The following DLGAP1 variants were observed in gnomAD, a reference collection of about 807,000 sequenced individuals.
The protein encoded by DLGAP1 is disks large-associated protein 1.
A neutral mutation model predicts 90.8 loss-of-function variants in DLGAP1; 11 were observed. That is an observed-to-expected ratio of 0.12 (90% CI 0.08 to 0.20). DLGAP1 has a LOEUF of 0.20. DLGAP1 is among the 10% of genes least tolerant of loss of function. The pLI, the probability that DLGAP1 is intolerant of heterozygous loss-of-function variation, is 1.00. For synonymous variants in DLGAP1, 558 were observed against 540.7 expected (o/e 1.03, Z -0.44); for missense variants, 1,050 against 1,333.8 (o/e 0.79, Z 3.31).
intron 7 of DLGAP1, among the ~76,000 whole-genome samples, chr18:3,637,019 G>A (rs1247960680): frequency 2.0e-5 from 3 of 152,038 alleles, no homozygotes; most frequent in South Asian, 4.1e-4. Context: ...CACTGCGCCC[G>A]GCCACTTTTA....
intron 1 of DLGAP1, among the ~76,000 whole-genome samples, chr18:4,283,004 T>C (rs2079590563): frequency 1.3e-5 from 2 of 148,840 alleles, no homozygotes; most frequent in Non-Finnish European, 1.5e-5. Flanking sequence ...GGAAAACTTG[T>C]TTTGACATTA....
intron 2 of DLGAP1, among the ~76,000 whole-genome samples, chr18:4,113,241 T>C (rs1283934531): frequency 6.6e-6 from 1 of 152,180 alleles, no homozygotes; most frequent in Non-Finnish European, 1.5e-5. Flanking sequence ...GTCTAAGCAT[T>C]CTCTTTTCTT....
At chr18:3,815,900 T>C (rs932234535) in intron 4 of DLGAP1, among the ~76,000 whole-genome samples, 7 of 152,120 alleles carry the variant, frequency 4.6e-5, no homozygotes, top group Admixed American at 2.0e-4. Flanking sequence ...AACATATTTA[T>C]AACAGAGACG....
intron 1 of DLGAP1, among the ~76,000 whole-genome samples, chr18:4,388,189 A>G (rs183209713): frequency 6.6e-6 from 1 of 152,140 alleles, no homozygotes; most frequent in African/African-American, 2.4e-5. Context: ...GGGCAATGCT[A>G]AAGAGTGTTA....
At chr18:3,609,734 T>C (rs1213842093) in intron 7 of DLGAP1, among the ~76,000 whole-genome samples, 2 of 151,908 alleles carry the variant, frequency 1.3e-5, no homozygotes, top group Non-Finnish European at 2.9e-5. Flanking sequence ...CCTTCCTAGA[T>C]TATGTGATGC....
At chr18:3,611,090 C>CT (rs2057597858) in intron 7 of DLGAP1, among the ~76,000 whole-genome samples, 1 of 151,456 alleles carries the variant, frequency 6.6e-6, no homozygotes, top group African/African-American at 2.4e-5. Flanking sequence ...TATGATCGCA[C>CT]CACTGCACTC....
chr18:3,666,751 T>A (rs574801062), intron 7 of DLGAP1, among the ~76,000 whole-genome samples: 65 of 152,316 alleles, frequency 4.3e-4, no homozygotes, highest in African/African-American at 1.3e-3. Context: ...AGTTTTTTTT[T>A]AAACAATTTT....
chr18:4,174,844 T>A (rs1196390338), intron 1 of DLGAP1, among the ~76,000 whole-genome samples: 1 of 152,170 alleles, frequency 6.6e-6, no homozygotes, highest in African/African-American at 2.4e-5. Context: ...CTCTCACTTA[T>A]GAGTAAGAAC....
intron 1 of DLGAP1, among the ~76,000 whole-genome samples, chr18:4,209,241 A>C (rs1360268762): frequency 1.3e-5 from 2 of 152,172 alleles, no homozygotes; most frequent in African/African-American, 4.8e-5. Flanking sequence ...ATTCTCCACC[A>C]GGCAGCCTGA....
chr18:3,651,336 C>T (rs1210555328), intron 7 of DLGAP1, among the ~76,000 whole-genome samples: 2 of 152,134 alleles, frequency 1.3e-5, no homozygotes. Flanking sequence ...TCTAGCCTGG[C>T]GATAGAGCAA....
intron 1 of DLGAP1, among the ~76,000 whole-genome samples, chr18:4,376,724 T>C (rs2082021121): frequency 6.6e-6 from 1 of 152,176 alleles, no homozygotes; most frequent in Admixed American, 6.6e-5. Context: ...TCAGTGATTC[T>C]TAATGGGTTG....
At chr18:4,104,963 G>C (rs1228451227) in intron 2 of DLGAP1, among the ~76,000 whole-genome samples, 1 of 152,192 alleles carries the variant, frequency 6.6e-6, no homozygotes, top group Non-Finnish European at 1.5e-5. Flanking sequence ...GAAATGCCTA[G>C]TGCCTGAACC....
At position 4,061,181 on chromosome 18, in the gene DLGAP1, A is replaced by G. The variant is rs376051778; in HGVS notation, c.-158-55980T>C. ...AGTTGCCAAGAGTTAACAGTGTAACATGTACTTGAGACTACTGGAAAAATA... is the reference window on the plus strand; with the variant it reads ...AGTTGCCAAGAGTTAACAGTGTAACGTGTACTTGAGACTACTGGAAAAATA... On this transcript the variant is annotated intron_variant, in intron 2 of 12. Transcript: ENST00000315677. Among the ~76,000 whole-genome samples, 96 of 152,348 alleles carry G rather than the reference A, an allele frequency of 6.3e-4. 2 individuals carry two copies. In the South Asian group the frequency reaches 0.017, roughly 27 times the overall value.
intron 3 of DLGAP1, chr18:3,897,026 C>G (rs2071641603): frequency 6.6e-6 from 1 of 152,258 alleles, no homozygotes; most frequent in South Asian, 2.1e-4. Flanking sequence ...ACACCGCTGT[C>G]CATTCTTCAT....
chr18:4,250,555 G>T (rs943573332), intron 1 of DLGAP1, among the ~76,000 whole-genome samples: 17 of 152,146 alleles, frequency 1.1e-4, no homozygotes, highest in Non-Finnish European at 2.4e-4. Flanking sequence ...AGGAACATTT[G>T]TTTTTGTAAT....
chr18:3,923,598 C>A (rs994452338), intron 3 of DLGAP1, among the ~76,000 whole-genome samples: 2 of 151,998 alleles, frequency 1.3e-5, no homozygotes, highest in Non-Finnish European at 2.9e-5. Flanking sequence ...TGGTTTACAT[C>A]GTGTTTATAA....
At chr18:4,096,932 G>A (rs1052754870) in intron 2 of DLGAP1, among the ~76,000 whole-genome samples, 1 of 152,232 alleles carries the variant, frequency 6.6e-6, no homozygotes, top group African/African-American at 2.4e-5. Flanking sequence ...GTTAATGAAA[G>A]TACTTAGATT....
intron 4 of DLGAP1, among the ~76,000 whole-genome samples, chr18:3,850,471 A>T (rs1462720087): frequency 6.6e-6 from 1 of 152,172 alleles, no homozygotes; most frequent in Non-Finnish European, 1.5e-5. Flanking sequence ...TTCCCAATGA[A>T]GACATTTTTC....
intron 1 of DLGAP1, among the ~76,000 whole-genome samples, chr18:4,227,795 A>C (rs576361840): frequency 6.6e-5 from 10 of 151,742 alleles, no homozygotes; most frequent in Non-Finnish European, 1.5e-4. Context: ...TTAAAGAATC[A>C]GACAAGCAAG....
Sources: gnomAD v4.1 joint callset for allele counts (sites outside exome capture counted in the v4.1 genomes callset) on GRCh38, gnomAD v4.1.1 for gene constraint, MANE v1.5 for transcripts, NCBI Gene and HGNC (gene_info 2026-07-23, HGNC 2026-07-21) for gene names.